Variants in ARHGEF12 observed in about 807,000 individuals in gnomAD.
ARHGEF12 encodes Rho guanine nucleotide exchange factor 12, also known as KMT2A/ARHGEF12 fusion protein.
Under a neutral mutation model 211.2 loss-of-function variants are expected in ARHGEF12, and 66 were observed. That is an observed-to-expected ratio of 0.31 (90% confidence interval 0.26 to 0.38). The LOEUF is 0.38. ARHGEF12 is among the 10% of genes least tolerant of loss of function. The pLI is 1.00. For missense variants in ARHGEF12, 1,429 were observed against 1,869.5 expected, an observed-to-expected ratio of 0.76 and a Z score of 4.34; for synonymous variants, 592 against 638.4, an observed-to-expected ratio of 0.93 and a Z score of 1.09.
chr11:120,424,150 T>G (rs1003169038), intron 6 of ARHGEF12, among the ~76,000 whole-genome samples: 11 of 152,172 alleles, frequency 7.2e-5, no homozygotes, highest in African/African-American at 2.2e-4. Context: ...TGTCAAGGCC[T>G]CGGTTTATGT....
intron 1 of ARHGEF12, among the ~76,000 whole-genome samples, chr11:120,395,301 A>G (rs994849886): frequency 3.9e-5 from 6 of 152,140 alleles, no homozygotes; most frequent in African/African-American, 1.4e-4. Context: ...AGATTGGTTC[A>G]CCTTACAAAA....
At chr11:120,477,424 T>TG in intron 35 of ARHGEF12, 23 bp from the exon 36 acceptor site, 7 of 1,526,932 alleles carry the variant, frequency 4.6e-6, no homozygotes, top group Non-Finnish European at 3.5e-6. Flanking sequence ...TAAAAGTTTT[T>TG]TTTTTTTTTT....
chr11:120,458,361 T>A, intron 25 of ARHGEF12, 127 bp downstream of exon 25: 2 of 1,008,988 alleles, frequency 2.0e-6, no homozygotes, highest in Non-Finnish European at 2.9e-6. Context: ...AAGAGGAAAT[T>A]AAACTGGACA....
chr11:120,442,982 T>C (rs1189402268), intron 15 of ARHGEF12, among the ~76,000 whole-genome samples: 1 of 151,994 alleles, frequency 6.6e-6, no homozygotes, highest in Non-Finnish European at 1.5e-5. Context: ...TACCATACCA[T>C]GTACTCTACT....
At chr11:120,411,106 G>A (rs1944868225) in intron 4 of ARHGEF12, 1 of 152,128 alleles carries the variant, frequency 6.6e-6, no homozygotes, top group African/African-American at 2.4e-5. Context: ...TACTAGTTCA[G>A]GCATGCCATT....
chr11:120,483,258 C>CTTTTTTT (rs777120176), intron 39 of ARHGEF12, among the ~76,000 whole-genome samples: 2 of 97,502 alleles, frequency 2.1e-5, no homozygotes, highest in Non-Finnish European at 3.9e-5. Context: ...CCATAATAAT[C>CTTTTTTT]TTTTTTTTTT....
intron 37 of ARHGEF12, among the ~76,000 whole-genome samples, chr11:120,479,526 G>T (rs1591645359): frequency 1.3e-5 from 2 of 152,268 alleles, no homozygotes; most frequent in Admixed American, 1.3e-4. Context: ...TATGCATATA[G>T]TGTCTGGATC....
At chr11:120,467,652 G>C (rs1318017193) in intron 29 of ARHGEF12, among the ~76,000 whole-genome samples, 1 of 145,858 alleles carries the variant, frequency 6.9e-6, no homozygotes, top group South Asian at 2.2e-4. Context: ...TGTTGCTCAG[G>C]CTGGTCTCAA....
At chr11:120,381,706 T>G (rs564186850) in intron 1 of ARHGEF12, among the ~76,000 whole-genome samples, 24 of 152,222 alleles carry the variant, frequency 1.6e-4, no homozygotes, top group Admixed American at 2.6e-4. Flanking sequence ...TGTGCCATTC[T>G]GTGGGTTCAG....
chr11:120,338,202 A>AT (rs1368415048), intron 1 of ARHGEF12, among the ~76,000 whole-genome samples: 7 of 152,230 alleles, frequency 4.6e-5, no homozygotes, highest in African/African-American at 1.7e-4. Flanking sequence ...AGCTTGCTTT[A>AT]TTTTTAAGTC....
chr11:120,400,531 A>G (rs1293549190), intron 1 of ARHGEF12, among the ~76,000 whole-genome samples: 1 of 152,216 alleles, frequency 6.6e-6, no homozygotes, highest in South Asian at 2.1e-4. Flanking sequence ...AGTATAAGGT[A>G]CTAGTAATCA....
intron 1 of ARHGEF12, among the ~76,000 whole-genome samples, chr11:120,405,379 G>A (rs1565457207): frequency 2.0e-5 from 3 of 152,010 alleles, no homozygotes; most frequent in South Asian, 2.1e-4. Flanking sequence ...AGAAGCTTCC[G>A]GCAGTATTCA....
At chr11:120,479,030 T>G (rs1947151884) in intron 37 of ARHGEF12, among the ~76,000 whole-genome samples, 1 of 152,236 alleles carries the variant, frequency 6.6e-6, no homozygotes, top group Non-Finnish European at 1.5e-5. Context: ...TTTTTCTTTC[T>G]TTTGATTTGG....
chr11:120,442,158 C>T lies in ARHGEF12; in HGVS notation c.1258C>T (p.Arg420Cys), dbSNP rs1945887145. 1.9e-6 allele frequency: 3 copies of T among 1,610,684 alleles called. No individual in the cohort carries two copies. The highest frequency in any genetic ancestry group is 2.5e-6 in the Non-Finnish European group (3 of 1,179,368). Residue 420 changes from arginine (R) to cysteine (C), a missense_variant, in exon 15 of 41, where the codon CGC (arginine) becomes TGC (cysteine). Physicochemically the swap from Arg to Cys is radical, Grantham distance 180 (BLOSUM62 -3). This residue lies in a region of ARHGEF12 where 373 missense variants were observed against 467.5 expected (regional missense o/e 0.80). Coordinates refer to ENST00000397843, the MANE Select transcript of ARHGEF12 (RefSeq NM_015313.3). ...ACATACCAATTCCAAAGAAACTCGTCGCATCTTCCTTGAGTTTCATCAGTT... is the reference window on the plus strand; with the variant it reads ...ACATACCAATTCCAAAGAAACTCGTTGCATCTTCCTTGAGTTTCATCAGTT... ...YKHTNSKETRRIFLEFHQFFL... is the reference protein window; with the variant it reads ...YKHTNSKETRCIFLEFHQFFL...
chr11:120,480,831 G>A (rs151125358), intron 38 of ARHGEF12, among the ~76,000 whole-genome samples: 7 of 152,296 alleles, frequency 4.6e-5, no homozygotes, highest in Admixed American at 6.5e-5. Flanking sequence ...AGACCTCAAT[G>A]AAATGAGGGA....
chr11:120,380,288 TGG>T (rs1208506467), intron 1 of ARHGEF12, among the ~76,000 whole-genome samples: 1 of 152,208 alleles, frequency 6.6e-6, no homozygotes, highest in Admixed American at 6.5e-5. Context: ...TACATTATTG[TGG>T]TATATCTGTG....
In ARHGEF12 at chr11:120,337,145, G is replaced by T; in HGVS notation, c.-99G>T. 3 of 1,439,800 alleles carry T rather than the reference G, an allele frequency of 2.1e-6. No homozygotes were observed. The highest frequency in any genetic ancestry group is 2.9e-6 in the Non-Finnish European group (3 of 1,022,744). 89.2% of individuals were successfully genotyped at this position (1,439,800 alleles called of 1,614,324 possible). ...TTTTGAGTTGGACTTTTGTGTCCCT[G>T]ACGGAGTTGGGCCTGATCCCAGAGC... On this transcript the variant is annotated 5_prime_UTR_variant, in exon 1 of 41. Coordinates refer to ENST00000397843, the MANE Select transcript of ARHGEF12 (RefSeq NM_015313.3).
At chr11:120,365,286 G>A (rs972303109) in intron 1 of ARHGEF12, among the ~76,000 whole-genome samples, 1 of 152,070 alleles carries the variant, frequency 6.6e-6, no homozygotes, top group African/African-American at 2.4e-5. Context: ...TAATGGAAAG[G>A]TAACTGTGCT....
chr11:120,352,895 A>G lies in ARHGEF12; in HGVS notation c.32+15620A>G, dbSNP rs1213513326. On this transcript the variant is annotated intron_variant, in intron 1 of 40. Coordinates refer to ENST00000397843, the MANE Select transcript of ARHGEF12 (RefSeq NM_015313.3). ...ATAGCCCACACACATCTGGGAAAGC[A>G]TGCCAGGGTCAGCACCCCAGGCGCC... Among the ~76,000 whole-genome samples the G allele has an allele frequency of 2.0e-5, 3 of 152,210 alleles. No homozygotes were observed. In the East Asian group the frequency reaches 5.8e-4, roughly 29 times the overall value.
Sources: allele counts gnomAD v4.1 joint callset (sites outside exome capture counted in the v4.1 genomes callset), GRCh38; gene constraint gnomAD v4.1.1; regional missense constraint gnomAD v4.1.1; transcripts MANE v1.5; gene names NCBI Gene and HGNC (gene_info 2026-07-23, HGNC 2026-07-21).